The following DDX4 variants were observed in gnomAD, a reference collection of about 807,000 sequenced individuals.
DDX4 encodes DEAD-box helicase 4, also known as probable ATP-dependent RNA helicase DDX4.
A neutral mutation model predicts 100.0 loss-of-function variants in DDX4; 25 were observed. The observed-to-expected ratio is 0.25, with a 90% confidence interval of 0.18 to 0.35. DDX4 has a LOEUF of 0.35. Among genes scored for constraint, DDX4 ranks in the 10% least tolerant of loss-of-function variants. The pLI is 1.00. For missense variants in DDX4, 635 were observed against 882.4 expected (o/e 0.72, Z 3.55); for synonymous variants, 259 against 275.7 (o/e 0.94, Z 0.60).
At chr5:55,781,797 TA>T in intron 9 of DDX4, 136 bp from the exon 10 acceptor site, 1 of 843,420 alleles carries the variant, frequency 1.2e-6, no homozygotes, top group Non-Finnish European at 1.8e-6. Flanking sequence ...AAGTTAAATC[TA>T]AAATTAAGAG....
At position 55,781,959 on chromosome 5, in the gene DDX4, A is replaced by C. The variant is rs1470709623; in HGVS notation, c.603A>C (p.Arg201Ser). 1 of 1,614,078 alleles carries C rather than the reference A, an allele frequency of 6.2e-7. No homozygotes were observed. Among genetic ancestry groups the C allele is most frequent in the South Asian group, 1.1e-5 (1 of 91,068 alleles). ...GTGNGDTSQS[R>S]SGSGSERGGY... ...GTAATGGTGATACTTCTCAAAGCAG[A>C]AGTGGCAGTGGAAGTGAACGAGGTA... The change falls in exon 10 of 22, where the codon AGA becomes AGC. Residue 201 changes from arginine to serine, a missense_variant. Around this residue, in one of 4 missense-constraint regions of DDX4, gnomAD observed 446 missense variants for 540.8 expected, o/e 0.82. Transcript: ENST00000505374.
intron 3 of DDX4, among the ~76,000 whole-genome samples, chr5:55,756,110 G>T (rs1344693001): frequency 6.6e-6 from 1 of 151,930 alleles, no homozygotes; most frequent in Non-Finnish European, 1.5e-5. Context: ...AAATATTGAT[G>T]GTCATTTTTA....
intron 8 of DDX4, among the ~76,000 whole-genome samples, chr5:55,780,617 A>C (rs1741849524): frequency 6.6e-6 from 1 of 152,180 alleles, no homozygotes; most frequent in South Asian, 2.1e-4. Flanking sequence ...AGGGATTTTG[A>C]AGGGTTACCA....
chr5:55,743,806 G>A (rs1759108403), intron 2 of DDX4, among the ~76,000 whole-genome samples: 1 of 151,568 alleles, frequency 6.6e-6, no homozygotes, highest in Admixed American at 6.6e-5. Context: ...CTTGGAATTT[G>A]TAAGTTGGAT....
chr5:55,795,928 G>A (rs1025211195), intron 17 of DDX4, among the ~76,000 whole-genome samples: 12 of 152,184 alleles, frequency 7.9e-5, no homozygotes, highest in African/African-American at 2.9e-4. Context: ...GAAGAGAGAA[G>A]CCAGTAGTGG....
chr5:55,770,815 A>AT (rs562450337), intron 7 of DDX4, among the ~76,000 whole-genome samples: 78 of 152,006 alleles, frequency 5.1e-4, no homozygotes, highest in Non-Finnish European at 9.4e-4. Context: ...CTTTTACCAT[A>AT]TTTTTTTTAA....
At chr5:55,753,846 G>A (rs1374057090) in intron 3 of DDX4, among the ~76,000 whole-genome samples, 24 of 128,176 alleles carry the variant, frequency 1.9e-4, no homozygotes, top group Non-Finnish European at 2.0e-4. Context: ...CTTTTATTTC[G>A]TTGAGCAGTG....
At chr5:55,744,149 T>C (rs186296861) in intron 2 of DDX4, among the ~76,000 whole-genome samples, 169 of 152,336 alleles carry the variant, frequency 1.1e-3, no homozygotes, top group Non-Finnish European at 2.0e-3. Flanking sequence ...TGGATGACTC[T>C]TGAGCTTTTT....
intron 8 of DDX4, 32 bp downstream of exon 8, chr5:55,780,097 A>C: frequency 6.2e-7 from 1 of 1,609,610 alleles, no homozygotes; most frequent in South Asian, 1.1e-5. Flanking sequence ...GATGTGCTTC[A>C]TTAACTGTTA....
intron 3 of DDX4, among the ~76,000 whole-genome samples, chr5:55,746,912 A>G (rs4865983): frequency 0.41 from 61,820 of 152,068 alleles, 14,067 homozygotes; most frequent in African/African-American, 0.59. Flanking sequence ...GAAGTCCAAA[A>G]CAGGATGAAA....
chr5:55,790,075 C>T (rs931458301), intron 15 of DDX4, among the ~76,000 whole-genome samples: 6 of 145,082 alleles, frequency 4.1e-5, no homozygotes, highest in South Asian at 2.2e-4. Context: ...ATCCATGTAA[C>T]GAAATACCAC....
chr5:55,778,005 T>C (rs537187889), intron 7 of DDX4, among the ~76,000 whole-genome samples: 22 of 152,260 alleles, frequency 1.4e-4, no homozygotes, highest in Middle Eastern at 6.8e-3. Context: ...CTCAGCTTGA[T>C]TTAATATTTG....
At chr5:55,782,215 A>G (rs933960246) in intron 10 of DDX4, 3 of 449,068 alleles carry the variant, frequency 6.7e-6, no homozygotes, top group Non-Finnish European at 1.2e-5. Flanking sequence ...GGAATTATAT[A>G]CTATAGATGT....
At chr5:55,801,715 T>TAA (rs1743324091) in intron 18 of DDX4, among the ~76,000 whole-genome samples, 1 of 152,222 alleles carries the variant, frequency 6.6e-6, no homozygotes, top group African/African-American at 2.4e-5. Context: ...TGGGCCTCCT[T>TAA]AAGTTTGCTG....
Position 55,792,769 on chromosome 5 carries a change from C to T in DDX4, c.1431C>T (p.Thr477=), listed in dbSNP as rs138075317. The T allele has an allele frequency of 2.1e-5, 32 of 1,507,550 alleles. No homozygotes were observed. In the African/African-American group the frequency reaches 2.4e-4, roughly 11 times the overall value. 93.4% of individuals were successfully genotyped at this position (1,507,550 alleles called of 1,614,324 possible). Residue 477 remains threonine (T), a synonymous_variant, in exon 17 of 22, where the codon ACC becomes ACT. Transcript: ENST00000505374. ...PGMPSKEQRQ[T]LMFSATFPEE... is the part of the protein sequence containing the mutation. ...TGCCATCAAAGGAACAGCGCCAAAC[C>T]CTTATGTTCAGTGCAACTTTTCCAG...
chr5:55,787,763 G>A (rs1742331307), intron 14 of DDX4, 83 bp from the exon 15 acceptor site: 4 of 1,461,978 alleles, frequency 2.7e-6, no homozygotes, highest in African/African-American at 2.8e-5. Context: ...GAGTCTAAAG[G>A]CTATAAGGAC....
At position 55,763,472 on chromosome 5, in the gene DDX4, GAC is replaced by G. The variant is rs556800264; in HGVS notation, c.283+222_283+223del. 9.1e-4 allele frequency among the ~76,000 whole-genome samples: 138 copies of G among 152,182 alleles called. No homozygotes were observed. The Middle Eastern group carries it at 0.01, about 11-fold the overall frequency. ...GAATGCTTTTAAAATTAATTCTAGA[GAC>G]ATGTCTGTATGCTTCAGAGATGCAT... On this transcript the variant is annotated intron_variant, in intron 5 of 21. Coordinates refer to ENST00000505374, the MANE Select transcript of DDX4 (RefSeq NM_024415.3).
intron 7 of DDX4, among the ~76,000 whole-genome samples, chr5:55,778,597 A>AG (rs1339613579): frequency 6.6e-6 from 1 of 152,172 alleles, no homozygotes; most frequent in Non-Finnish European, 1.5e-5. Flanking sequence ...GTTGAATAAA[A>AG]GGAAAAAGAC....
At chr5:55,766,389 A>G (rs1331144811) in intron 6 of DDX4, among the ~76,000 whole-genome samples, 2 of 151,464 alleles carry the variant, frequency 1.3e-5, no homozygotes, top group East Asian at 1.9e-4. Context: ...TAATTGGCCA[A>G]AGATATTGTG....
Sources: gnomAD v4.1 joint callset for allele counts (sites outside exome capture counted in the v4.1 genomes callset) on GRCh38, gnomAD v4.1.1 for gene constraint, gnomAD v4.1.1 regional missense constraint, MANE v1.5 for transcripts, NCBI Gene and HGNC (gene_info 2026-07-23, HGNC 2026-07-21) for gene names.